Variants in NANOS3 observed in about 807,000 individuals in gnomAD.
NANOS3 encodes nanos C2HC-type zinc finger 3.
A neutral mutation model predicts 13.8 loss-of-function variants in NANOS3; 11 were observed. That is an observed-to-expected ratio of 0.80 (90% CI 0.50 to 1.32). The LOEUF is 1.32. NANOS3 is among the 40% of genes most tolerant of loss of function. The pLI is 0.00. For missense variants in NANOS3, 221 were observed against 263.8 expected, an observed-to-expected ratio of 0.84 and a Z score of 1.12; for synonymous variants, 119 against 115.4, an observed-to-expected ratio of 1.03 and a Z score of -0.20.
chr19:13,876,819 G>T (rs1968522663), upstream of NANOS3, among the ~76,000 whole-genome samples: 1 of 152,204 alleles, frequency 6.6e-6, no homozygotes, highest in African/African-American at 2.4e-5. Flanking sequence ...GTCTTTGGGG[G>T]TGGGGTTTCC....
chr19:13,866,529 C>T (rs1172953450), intron 1 of NANOS3, among the ~76,000 whole-genome samples: 1 of 152,172 alleles, frequency 6.6e-6, no homozygotes, highest in Non-Finnish European at 1.5e-5. Context: ...ACATACAGTC[C>T]CCACAATAAC....
At chr19:13,877,857 G>A (rs1015041912) in intron 1 of NANOS3, 92 bp downstream of exon 1, 2 of 1,458,178 alleles carry the variant, frequency 1.4e-6, no homozygotes, top group Admixed American at 2.6e-5. Context: ...CACCTCCAAG[G>A]GTTAGGGGAA....
upstream of NANOS3, among the ~76,000 whole-genome samples, chr19:13,876,308 T>TG (rs1968509542): frequency 6.7e-6 from 1 of 149,086 alleles, no homozygotes. Context: ...CCAGCTAATT[T>TG]TGTGTGTGTG....
In NANOS3 at chr19:13,880,712, G is replaced by GCATC; in HGVS notation, c.*212_*215dup. On this transcript the variant is annotated 3_prime_UTR_variant, in exon 2 of 2. Transcript: ENST00000339133. ...CCATCTGCCGTTTCCCTAGTGCTGG[G>GCATC]CATCCAGTCAGCCCTCAATAAATGC... 1.7e-6 allele frequency: 1 copy of GCATC among 581,886 alleles called. No individual in the cohort carries two copies. Among genetic ancestry groups the GCATC allele is most frequent in the Non-Finnish European group, 3.1e-6 (1 of 326,430 alleles). The allele number at this position is 581,886 out of a possible 1,614,324, so 36.0% of individuals were successfully genotyped here.
chr19:13,876,888 G>A (rs1968523689), upstream of NANOS3, among the ~76,000 whole-genome samples: 1 of 152,154 alleles, frequency 6.6e-6, no homozygotes, highest in South Asian at 2.1e-4. Context: ...ACAAGGAGGG[G>A]AGGCAGGGTA....
upstream of NANOS3, among the ~76,000 whole-genome samples, chr19:13,872,358 A>G (rs10403313): frequency 4.2e-5 from 6 of 141,960 alleles, no homozygotes; most frequent in East Asian, 1.9e-4. Flanking sequence ...AAAAAAAAAA[A>G]AAAGAGAGAG....
chr19:13,866,407 C>G (rs924436976), intron 1 of NANOS3, among the ~76,000 whole-genome samples: 1 of 152,032 alleles, frequency 6.6e-6, no homozygotes, highest in African/African-American at 2.4e-5. Context: ...ATGCATTAAG[C>G]CAGCCACGAT....
upstream of NANOS3, among the ~76,000 whole-genome samples, chr19:13,873,362 T>C (rs1333298208): frequency 6.7e-6 from 1 of 150,046 alleles, no homozygotes; most frequent in African/African-American, 2.5e-5. Context: ...GGGGGGGTGG[T>C]TCACGCAGCT....
intron 1 of NANOS3, among the ~76,000 whole-genome samples, chr19:13,868,351 G>A (rs751894843): frequency 2.0e-4 from 30 of 151,916 alleles, no homozygotes; most frequent in Non-Finnish European, 2.6e-4. Flanking sequence ...GAGCCAGTGC[G>A]TCCGGCCCCA....
chr19:13,876,475 A>G (rs532759539), upstream of NANOS3, among the ~76,000 whole-genome samples: 337 of 152,324 alleles, frequency 2.2e-3, 3 homozygotes, highest in Non-Finnish European at 1.1e-3. Flanking sequence ...GCATGTCTTT[A>G]TAAATAACTG....
upstream of NANOS3, chr19:13,874,614 G>C: frequency 2.2e-6 from 1 of 462,136 alleles, no homozygotes; most frequent in South Asian, 1.5e-5. Context: ...TTTCATGAGA[G>C]AAAAGGGGTT....
At chr19:13,877,951 C>G (rs1968553261) in intron 1 of NANOS3, among the ~76,000 whole-genome samples, 186 bp downstream of exon 1, 1 of 152,204 alleles carries the variant, frequency 6.6e-6, no homozygotes, top group African/African-American at 2.4e-5. Context: ...TTCTGTTGCT[C>G]AGGCTGGAGT....
Position 13,867,306 on chromosome 19 carries a change from AC to A in NANOS3, n.21+1870del, listed in dbSNP as rs1976257127. Among the ~76,000 whole-genome samples the A allele has an allele frequency of 2.6e-5, 4 of 151,884 alleles. No individual in the cohort carries two copies. The South Asian group carries it at 8.3e-4, about 32-fold the overall frequency. ...GCTGCCTAGGCTGGAGTGCAGTGGC[AC>A]GATCTAGGCTCACTGCAATCTAGGC... On this transcript the variant is annotated intron_variant and non_coding_transcript_variant, in intron 1 of 2. Transcript: ENST00000591161.
Position 13,877,542 on chromosome 19 carries a change from G to A in NANOS3, c.294G>A (p.Glu98=). The A allele has an allele frequency of 6.2e-7, 1 of 1,612,378 alleles. No individual in the cohort carries two copies. The highest frequency in any genetic ancestry group is 1.3e-5 in the African/African-American group (1 of 75,070). ...ACCAGTCCCACGTGCTGAAGGACGA[G>A]GCTGGCAGGGTGCTGTGTCCCATCC... The part of the protein sequence containing the change: ...AIYQSHVLKD[E]AGRVLCPILR... The change falls in exon 1 of 2, where the codon GAG becomes GAA. Residue 98 remains glutamate (E), a synonymous_variant. Coordinates refer to ENST00000339133, the MANE Select transcript of NANOS3 (RefSeq NM_001098622.3).
At chr19:13,876,786 C>G (rs569807855), upstream of NANOS3, among the ~76,000 whole-genome samples, 7 of 152,338 alleles carry the variant, frequency 4.6e-5, no homozygotes, top group African/African-American at 1.7e-4. Flanking sequence ...AAGTTAACTT[C>G]TTTAAGTTAC....
At chr19:13,864,670 TG>T (rs1373118928), upstream of NANOS3, among the ~76,000 whole-genome samples, 3 of 152,066 alleles carry the variant, frequency 2.0e-5, no homozygotes, top group Non-Finnish European at 2.9e-5. Context: ...CCAGTGCGTC[TG>T]TGATCTCCTG....
upstream of NANOS3, among the ~76,000 whole-genome samples, chr19:13,864,711 G>A (rs1311965044): frequency 6.6e-6 from 1 of 152,064 alleles, no homozygotes; most frequent in Non-Finnish European, 1.5e-5. Flanking sequence ...TGAGCTGTGC[G>A]TGCCCGGGGT....
chr19:13,877,581 G>A lies in NANOS3; in HGVS notation c.333G>A (p.Val111=). Residue 111 remains valine, a synonymous_variant, in exon 1 of 2, where the codon GTG becomes GTA. Coordinates refer to ENST00000339133, the MANE Select transcript of NANOS3 (RefSeq NM_001098622.3). The part of the protein sequence containing the change: ...RVLCPILRDY[V]CPQCGATRER... Reference sequence around the variant, plus strand: ...TGTGTCCCATCCTGCGGGACTACGTGTGTCCCCAGTGCGGCGCCACACGTG... The same window carrying A: ...TGTGTCCCATCCTGCGGGACTACGTATGTCCCCAGTGCGGCGCCACACGTG... 6.2e-7 allele frequency: 1 copy of A among 1,612,284 alleles called. No homozygotes were observed.
At chr19:13,867,556 TTTTG>T (rs935598796) in intron 1 of NANOS3, among the ~76,000 whole-genome samples, 18 of 151,724 alleles carry the variant, frequency 1.2e-4, no homozygotes, top group Admixed American at 3.9e-4. Flanking sequence ...TGGCCCAAAT[TTTTG>T]TTTGTTTGTT....
Sources: allele counts gnomAD v4.1 joint callset (sites outside exome capture counted in the v4.1 genomes callset), GRCh38; gene constraint gnomAD v4.1.1; transcripts MANE v1.5; gene names NCBI Gene and HGNC (gene_info 2026-07-23, HGNC 2026-07-21).